Variants in SEL1L2 observed in about 807,000 individuals in gnomAD.
SEL1L2 encodes protein sel-1 homolog 2.
In SEL1L2, 89 loss-of-function variants were observed where a neutral mutation model predicts 98.8. The observed-to-expected ratio is 0.90, with a 90% confidence interval of 0.76 to 1.07. SEL1L2 has a LOEUF of 1.07. Among genes scored for constraint, SEL1L2 ranks in the 50% least tolerant of loss-of-function variants. The pLI is 0.00. For missense variants in SEL1L2, 788 were observed against 812.0 expected, an observed-to-expected ratio of 0.97 and a Z score of 0.36; for synonymous variants, 262 against 278.5, an observed-to-expected ratio of 0.94 and a Z score of 0.59.
At chr20:13,937,568 C>T (rs1436250201) in intron 2 of SEL1L2, among the ~76,000 whole-genome samples, 1 of 152,142 alleles carries the variant, frequency 6.6e-6, no homozygotes, top group East Asian at 1.9e-4. Context: ...TCAATGTGTC[C>T]ATGTGCCTAA....
chr20:13,989,185 T>A (rs537559463), intron 1 of SEL1L2, among the ~76,000 whole-genome samples: 2 of 152,234 alleles, frequency 1.3e-5, no homozygotes, highest in East Asian at 3.8e-4. Context: ...CATCAGAATA[T>A]GAGTTTCACA....
intron 2 of SEL1L2, among the ~76,000 whole-genome samples, chr20:13,936,178 G>A (rs960633010): frequency 1.3e-5 from 2 of 152,052 alleles, no homozygotes; most frequent in East Asian, 3.9e-4. Context: ...TTATGACAGC[G>A]AGAAAATTAT....
At chr20:13,989,351 T>C (rs1269287700) in intron 1 of SEL1L2, among the ~76,000 whole-genome samples, 2 of 152,222 alleles carry the variant, frequency 1.3e-5, no homozygotes, top group African/African-American at 4.8e-5. Flanking sequence ...CATTTATTAG[T>C]TCTAATAGTT....
At chr20:13,958,165 CTA>C (rs1431150644) in intron 1 of SEL1L2, among the ~76,000 whole-genome samples, 2 of 152,112 alleles carry the variant, frequency 1.3e-5, no homozygotes, top group Non-Finnish European at 2.9e-5. Context: ...GATTTTGTAA[CTA>C]TTTCATTAAT....
chr20:13,891,772 A>C (rs2047216371), intron 5 of SEL1L2, among the ~76,000 whole-genome samples: 1 of 152,114 alleles, frequency 6.6e-6, no homozygotes, highest in Non-Finnish European at 1.5e-5. Context: ...CTTCCCAGAC[A>C]AACAAACGCT....
chr20:13,892,661 G>A (rs1394485677), intron 5 of SEL1L2, among the ~76,000 whole-genome samples: 1 of 152,100 alleles, frequency 6.6e-6, no homozygotes, highest in Non-Finnish European at 1.5e-5. Flanking sequence ...TAACAAAACA[G>A]CAATAGTGAT....
intron 5 of SEL1L2, among the ~76,000 whole-genome samples, chr20:13,907,905 C>CTTG (rs1220577201): frequency 6.7e-6 from 1 of 149,250 alleles, no homozygotes; most frequent in Non-Finnish European, 1.5e-5. Flanking sequence ...GTGGCTGGGA[C>CTTG]TACAGGCACA....
chr20:13,905,185 G>A lies in SEL1L2; in HGVS notation c.549+8597C>T, dbSNP rs557875835. ...GTGATTTTGAATTAATTCTCTGGAGGGCTCAGCTTTAATTTAATCTTTAAA... is the reference window on the plus strand; with the variant it reads ...GTGATTTTGAATTAATTCTCTGGAGAGCTCAGCTTTAATTTAATCTTTAAA... On this transcript the variant is annotated intron_variant, in intron 5 of 19. Transcript: ENST00000284951. 3.9e-5 allele frequency among the ~76,000 whole-genome samples: 6 copies of A among 152,180 alleles called. No individual in the cohort carries two copies. The South Asian group carries it at 1.2e-3, about 32-fold the overall frequency.
chr20:13,987,243 T>C lies in SEL1L2; in HGVS notation c.58+3234A>G, dbSNP rs150600696. 4.0e-3 allele frequency among the ~76,000 whole-genome samples: 612 copies of C among 152,276 alleles called. 1 individual carries two copies. The highest frequency in any genetic ancestry group is 9.8e-3 in the East Asian group (51 of 5,182). ...GTTTTCCACAGTGACTATACCATTT[T>C]ATATTCCAACCAGCAATGTGTGAAG... On this transcript the variant is annotated intron_variant, in intron 1 of 19. Transcript: ENST00000284951.
Position 13,956,076 on chromosome 20 carries a change from C to T in SEL1L2, c.114G>A (p.Gln38=), listed in dbSNP as rs1372092863. 6.5e-7 allele frequency: 1 copy of T among 1,547,794 alleles called. No individual in the cohort carries two copies. Among genetic ancestry groups the T allele is most frequent in the Non-Finnish European group, 8.8e-7 (1 of 1,132,570 alleles). The part of the protein sequence containing the change: ...KRQKERNVTT[Q]VSVNEIKQYL... ...TGTAAAGATTTAGCAAAATATTTAC[C>T]TGTGTGGTGACATTTCTTTCCTTTT... The change falls in exon 2 of 20, where the codon CAG becomes CAA. Residue 38 remains glutamine (Q), a splice_region_variant and synonymous_variant. Transcript: ENST00000284951.
chr20:13,976,585 A>G (rs2051550039), intron 1 of SEL1L2, among the ~76,000 whole-genome samples: 1 of 152,176 alleles, frequency 6.6e-6, no homozygotes, highest in South Asian at 2.1e-4. Flanking sequence ...GCTAGGATCT[A>G]ATCACATAGG....
chr20:13,922,479 AG>A (rs2048709307), intron 3 of SEL1L2, among the ~76,000 whole-genome samples: 1 of 152,208 alleles, frequency 6.6e-6, no homozygotes, highest in Non-Finnish European at 1.5e-5. Context: ...GACACACATA[AG>A]GGCAAATGTG....
At chr20:13,953,801 G>A (rs556558240) in intron 2 of SEL1L2, among the ~76,000 whole-genome samples, 165 of 152,158 alleles carry the variant, frequency 1.1e-3, no homozygotes, top group Non-Finnish European at 1.9e-3. Context: ...ATTTTTCATG[G>A]TCGTGTGACA....
intron 5 of SEL1L2, among the ~76,000 whole-genome samples, chr20:13,890,144 C>T (rs1453027460): frequency 2.0e-5 from 3 of 152,182 alleles, no homozygotes; most frequent in African/African-American, 7.2e-5. Flanking sequence ...CAGCTTGGTG[C>T]TTTCAGGAGA....
intron 1 of SEL1L2, among the ~76,000 whole-genome samples, chr20:13,979,010 C>T (rs931417710): frequency 1.3e-5 from 2 of 151,960 alleles, no homozygotes; most frequent in East Asian, 1.9e-4. Flanking sequence ...CAATGAGCTG[C>T]GATCATGCAA....
chr20:13,992,098 G>A (rs2052554845), upstream of SEL1L2, among the ~76,000 whole-genome samples: 1 of 152,198 alleles, frequency 6.6e-6, no homozygotes, highest in Non-Finnish European at 1.5e-5. Context: ...AGGTCAGGTA[G>A]GGTCAGAGTC....
At chr20:13,946,667 C>T (rs1196434821) in intron 2 of SEL1L2, among the ~76,000 whole-genome samples, 1 of 152,202 alleles carries the variant, frequency 6.6e-6, no homozygotes, top group East Asian at 1.9e-4. Flanking sequence ...CCCCACCTTC[C>T]TGGGCACAGC....
At position 13,869,533 on chromosome 20, in the gene SEL1L2, C is replaced by T. The variant is rs757657729; in HGVS notation, c.1225G>A (p.Ala409Thr). The change falls in exon 14 of 20, where the codon GCA (alanine) becomes ACA (threonine). Residue 409 changes from alanine (A) to threonine (T), a missense_variant. Coordinates refer to ENST00000284951, the MANE Select transcript of SEL1L2 (RefSeq NM_025229.2). The part of the protein sequence containing the change: ...QKAAEKGWPD[A>T]QFQLGFMYYS... ...TACATGAAGCCTAACTGGAACTGTG[C>T]GTCGGGCCACCCTTTTTCCGCAGCT... 24 of 1,613,944 alleles carry T rather than the reference C, an allele frequency of 1.5e-5. No homozygotes were observed. The highest frequency in any genetic ancestry group is 7.7e-5 in the South Asian group (7 of 91,078).
At position 13,865,351 on chromosome 20, in the gene SEL1L2, G is replaced by T; in HGVS notation, c.1568C>A (p.Ser523Tyr). The change falls in exon 16 of 20, where the codon TCT becomes TAT. Residue 523 changes from serine to tyrosine, a missense_variant and splice_region_variant. By Grantham distance (144) the Ser-to-Tyr change is moderately radical. Coordinates refer to ENST00000284951, the MANE Select transcript of SEL1L2 (RefSeq NM_025229.2). ...AQSNSAFILE[S>Y]KKANILEKEK... The stretch of plus-strand genomic sequence containing the variant: ...CAGAGAATTTTAACTCATCTTACTA[G>T]ATTCCAAAATGAATGCTGAATTGCT... The T allele has an allele frequency of 6.2e-7, 1 of 1,613,902 alleles. No homozygotes were observed. The highest frequency in any genetic ancestry group is 8.5e-7 in the Non-Finnish European group (1 of 1,179,838).
Sources: allele counts gnomAD v4.1 joint callset (sites outside exome capture counted in the v4.1 genomes callset), GRCh38; gene constraint gnomAD v4.1.1; transcripts MANE v1.5; gene names NCBI Gene and HGNC (gene_info 2026-07-23, HGNC 2026-07-21).